Variants in SBF2 observed in about 807,000 individuals in gnomAD.
SBF2 encodes the protein myotubularin-related protein 13.
A neutral mutation model predicts 225.2 loss-of-function variants in SBF2; 112 were observed. The observed-to-expected ratio is 0.50, with a 90% confidence interval of 0.43 to 0.58. The LOEUF (loss-of-function observed/expected upper bound fraction) is 0.58, where lower values mean the gene tolerates loss of function less well. Ranked by LOEUF, SBF2 falls within the 20% of genes least tolerant of loss-of-function variation. The pLI is 0.00. For synonymous variants in SBF2, 763 were observed against 773.3 expected, an observed-to-expected ratio of 0.99 and a Z score of 0.22; for missense variants, 1,996 against 2,206.2, an observed-to-expected ratio of 0.90 and a Z score of 1.91.
At chr11:10,240,604 G>A (rs1041488941) in intron 1 of SBF2, among the ~76,000 whole-genome samples, 1 of 152,094 alleles carries the variant, frequency 6.6e-6, no homozygotes, top group African/African-American at 2.4e-5. Flanking sequence ...GAAGTAAAAA[G>A]CAAAATATAA....
intron 1 of SBF2, among the ~76,000 whole-genome samples, chr11:10,280,482 T>G (rs1224449321): frequency 6.6e-6 from 1 of 152,170 alleles, no homozygotes; most frequent in South Asian, 2.1e-4. Context: ...AGTCTGCAAT[T>G]TAATTCAACA....
intron 19 of SBF2, 60 bp downstream of exon 19, chr11:9,856,398 C>T (rs1045613683): frequency 6.2e-7 from 1 of 1,606,252 alleles, no homozygotes; most frequent in African/African-American, 1.3e-5. Flanking sequence ...TATTATCTGT[C>T]AAGCCAAGAC....
At position 9,856,533 on chromosome 11, in the gene SBF2, G is replaced by GT; in HGVS notation, c.2287dup (p.Thr763AsnfsTer3). On this transcript the variant is annotated frameshift_variant, in exon 19 of 40. Coordinates refer to ENST00000256190, the MANE Select transcript of SBF2 (RefSeq NM_030962.4). LOFTEE classifies it high-confidence loss of function. ...TGTTCTTAGGAGCTTGTTTTTACTT[G>GT]TGTCGAGTGGAACTAGCAGGTTCAC... 1.2e-6 allele frequency: 2 copies of GT among 1,614,162 alleles called. No individual in the cohort carries two copies. The highest frequency in any genetic ancestry group is 1.7e-6 in the Non-Finnish European group (2 of 1,180,022).
At chr11:9,961,756 G>A (rs1193806125) in intron 16 of SBF2, 2 of 505,766 alleles carry the variant, frequency 4.0e-6, no homozygotes, top group African/African-American at 1.9e-5. Flanking sequence ...TTTTCAAAGA[G>A]AAAACAAAGA....
chr11:9,985,289 C>T (rs1459477603), intron 13 of SBF2, among the ~76,000 whole-genome samples: 7 of 152,058 alleles, frequency 4.6e-5, no homozygotes, highest in African/African-American at 9.7e-5. Context: ...ACACCAGAAG[C>T]GAGCAGGGGT....
intron 11 of SBF2, 84 bp downstream of exon 11, chr11:9,992,906 T>G: frequency 2.1e-6 from 2 of 957,114 alleles, no homozygotes; most frequent in Non-Finnish European, 3.2e-6. Context: ...AAGGTCAAAA[T>G]AAATGGCTCG....
intron 39 of SBF2, chr11:9,780,898 T>G: frequency 3.2e-6 from 1 of 315,830 alleles, no homozygotes; most frequent in Non-Finnish European, 6.1e-6. Flanking sequence ...GATTCATGCA[T>G]ACCATAAAGT....
intron 1 of SBF2, among the ~76,000 whole-genome samples, chr11:10,224,303 C>G (rs1958456198): frequency 6.6e-6 from 1 of 152,042 alleles, no homozygotes; most frequent in South Asian, 2.1e-4. Context: ...ATTTTGAATG[C>G]ATACATTTCC....
chr11:10,149,093 GA>G (rs1488587752), intron 2 of SBF2: 1 of 152,216 alleles, frequency 6.6e-6, no homozygotes, highest in Non-Finnish European at 1.5e-5. Context: ...CTTCCAGTCA[GA>G]TCCAAATGCT....
intron 2 of SBF2, among the ~76,000 whole-genome samples, chr11:10,125,260 A>C (rs1464393132): frequency 6.6e-6 from 1 of 151,998 alleles, no homozygotes; most frequent in Non-Finnish European, 1.5e-5. Flanking sequence ...ATAGCATATT[A>C]CTCTCTCAAC....
At position 10,232,515 on chromosome 11, in the gene SBF2, A is replaced by C. The variant is rs375340399; in HGVS notation, c.56-38528T>G. Among the ~76,000 whole-genome samples, 27 of 152,218 alleles carry C rather than the reference A, an allele frequency of 1.8e-4. 1 individual carries two copies. In the East Asian group the frequency reaches 1.9e-3, roughly 11 times the overall value. On this transcript the variant is annotated intron_variant, in intron 1 of 39. Transcript: ENST00000256190. The stretch of plus-strand genomic sequence containing the variant: ...CATAGACCAAAATGTTAGCAGAATT[A>C]CATGAAAGTAGTAGGGTTTCTTTTT...
intron 1 of SBF2, among the ~76,000 whole-genome samples, chr11:10,257,555 C>T (rs1233213807): frequency 2.0e-5 from 3 of 150,766 alleles, no homozygotes; most frequent in Non-Finnish European, 2.9e-5. Flanking sequence ...CTCTCAGCTA[C>T]TCAGAAGGCT....
chr11:9,983,985 G>A (rs1947080108), intron 13 of SBF2, among the ~76,000 whole-genome samples: 1 of 152,164 alleles, frequency 6.6e-6, no homozygotes, highest in African/African-American at 2.4e-5. Flanking sequence ...GAAGGAACCA[G>A]AAAACCAACC....
In SBF2 at chr11:9,968,380, T is replaced by C; in HGVS notation, c.1561A>G (p.Ile521Val). The change falls in exon 14 of 40, where the codon ATA becomes GTA. Residue 521 changes from isoleucine to valine, a missense_variant. Transcript: ENST00000256190. ...KNQNAPPATR[I>V]EKKCVVPAGP... Reference sequence around the variant, plus strand: ...GCTGGCACAACACATTTCTTTTCTATTCGTGTGGCAGGAGGTGCATTCTGG... The same window carrying C: ...GCTGGCACAACACATTTCTTTTCTACTCGTGTGGCAGGAGGTGCATTCTGG... 1 of 1,614,186 alleles carries C rather than the reference T, an allele frequency of 6.2e-7. No homozygotes were observed. Among genetic ancestry groups the C allele is most frequent in the Non-Finnish European group, 8.5e-7 (1 of 1,180,042 alleles).
chr11:10,130,823 AC>A (rs1565264381), intron 2 of SBF2, among the ~76,000 whole-genome samples: 2 of 152,134 alleles, frequency 1.3e-5, no homozygotes, highest in African/African-American at 4.8e-5. Context: ...TTTTTCACTT[AC>A]ATAATGCTCC....
intron 2 of SBF2, among the ~76,000 whole-genome samples, chr11:10,164,753 T>G (rs1463638277): frequency 1.3e-5 from 2 of 152,040 alleles, no homozygotes; most frequent in African/African-American, 2.4e-5. Flanking sequence ...CTCTCCAACC[T>G]TTTTCACTTC....
At chr11:9,839,352 A>T in intron 26 of SBF2, 146 bp downstream of exon 26, 1 of 813,550 alleles carries the variant, frequency 1.2e-6, no homozygotes, top group Non-Finnish European at 2.1e-6. Context: ...AATGCCAATG[A>T]GATGCTTGCT....
At position 10,160,734 on chromosome 11, in the gene SBF2, A is replaced by G. The variant is rs1018705389; in HGVS notation, c.141+33168T>C. 5.9e-5 allele frequency among the ~76,000 whole-genome samples: 9 copies of G among 152,248 alleles called. No homozygotes were observed. In the South Asian group the frequency reaches 6.2e-4, roughly 11 times the overall value. On this transcript the variant is annotated intron_variant, in intron 2 of 39. Transcript: ENST00000256190. ...CTCTAAGCCCTTCATTATGTGGTTC[A>G]TACACCTCCTGCCACACCCCATACC...
chr11:10,252,707 G>C (rs1960476663), intron 1 of SBF2, among the ~76,000 whole-genome samples: 1 of 152,170 alleles, frequency 6.6e-6, no homozygotes, highest in Middle Eastern at 3.4e-3. Flanking sequence ...CTACTTGGGA[G>C]GCTGAGGCAG....
Sources: gnomAD v4.1 joint callset for allele counts (sites outside exome capture counted in the v4.1 genomes callset) on GRCh38, gnomAD v4.1.1 for gene constraint, MANE v1.5 for transcripts, NCBI Gene and HGNC (gene_info 2026-07-23, HGNC 2026-07-21) for gene names.